Variants in MUC4 observed in about 807,000 individuals in gnomAD.
MUC4 encodes mucin-4.
A neutral mutation model predicts 257.9 loss-of-function variants in MUC4; 202 were observed. The observed-to-expected ratio is 0.78, with a 90% confidence interval of 0.70 to 0.88. The LOEUF (loss-of-function observed/expected upper bound fraction) is 0.88, where lower values mean the gene tolerates loss of function less well. Among genes scored for constraint, MUC4 ranks in the 40% least tolerant of loss-of-function variants. MUC4 has a pLI of 0.00. For missense variants in MUC4, 5,976 were observed against 6,513.7 expected, an observed-to-expected ratio of 0.92 and a Z score of 2.84; for synonymous variants, 2,351 against 2,757.1, an observed-to-expected ratio of 0.85 and a Z score of 4.62.
rs1726234134 is a variant in MUC4 at position 195,779,563 on chromosome 3, G to GGGC, written c.12016_12017insGCC (p.Thr4006delinsSerPro). The GGGC allele has an allele frequency of 1.6e-6, 1 of 631,492 alleles. No homozygotes were observed. The highest frequency in any genetic ancestry group is 2.4e-5 in the African/African-American group (1 of 41,256). The allele number at this position is 631,492 out of a possible 1,614,324, so 39.1% of individuals were successfully genotyped here. ...GGCGTGACCTGTAGATACTGAGGAAGTGCTGGTGACAGGAAGAGGGGTGGC... is the reference window on the plus strand; with the variant it reads ...GGCGTGACCTGTAGATACTGAGGAAGGGCTGCTGGTGACAGGAAGAGGGGTGGC... On this transcript the variant is annotated protein_altering_variant, in exon 2 of 25. Transcript: ENST00000463781.
chr3:195,767,528 T>TCAC (rs1472909855), intron 7 of MUC4, among the ~76,000 whole-genome samples: 2 of 28,072 alleles, frequency 7.1e-5, no homozygotes, highest in Non-Finnish European at 1.6e-4. Flanking sequence ...ACCACCACCA[T>TCAC]CGCCACCACC....
chr3:195,781,788 A>T lies in MUC4; in HGVS notation c.9792T>A (p.Ser3264=). ...TSSASTGDTT[S]LPVTDTSSAY... ...CTGAGGAAGTGTCGGTGACAGGAAG[A>T]GAGGTGGTGTCACCTGTGGATGCTG... The change falls in exon 2 of 25, where the codon TCT becomes TCA. Residue 3264 remains serine (S), a synonymous_variant. Coordinates refer to ENST00000463781, the MANE Select transcript of MUC4 (RefSeq NM_018406.7). 1 of 1,122,860 alleles carries T rather than the reference A, an allele frequency of 8.9e-7. No individual in the cohort carries two copies. The highest frequency in any genetic ancestry group is 1.1e-6 in the Non-Finnish European group (1 of 884,132). 69.6% of individuals were successfully genotyped at this position (1,122,860 alleles called of 1,614,324 possible).
chr3:195,759,113 A>G lies in MUC4; in HGVS notation c.14986+11T>C, dbSNP rs1718261197. 6.2e-7 allele frequency: 1 copy of G among 1,613,558 alleles called. No homozygotes were observed. The highest frequency in any genetic ancestry group is 1.1e-5 in the South Asian group (1 of 90,996). ...CCTCCCCACTCTCCCCAGCCAGCCA[A>G]ATAGTCCTACCAAAGAGCTCCAAGT... On this transcript the variant is annotated intron_variant, in intron 17 of 24. Transcript: ENST00000463781.
chr3:195,798,794 G>C (rs1209326380), intron 1 of MUC4, among the ~76,000 whole-genome samples: 1 of 152,184 alleles, frequency 6.6e-6, no homozygotes, highest in Non-Finnish European at 1.5e-5. Context: ...AGCCATACCT[G>C]ATATGAGCAT....
rs114502936 is a variant in MUC4 at position 195,768,376 on chromosome 3, C to T, written c.13529+646G>A. Among the ~76,000 whole-genome samples, 1,222 of 152,320 alleles carry T rather than the reference C, an allele frequency of 8.0e-3. 12 individuals are homozygous for T. The highest frequency in any genetic ancestry group is 0.028 in the African/African-American group (1,171 of 41,564). On this transcript the variant is annotated intron_variant, in intron 7 of 24. Transcript: ENST00000463781. ...TGGCGCACTGCTACATCGGAGACAG[C>T]CTCCCACACACGGGAATCCACATTT...
At position 195,760,872 on chromosome 3, in the gene MUC4, C is replaced by T. The variant is rs181550000; in HGVS notation, c.14848+12G>A. The T allele has an allele frequency of 9.6e-5, 155 of 1,612,812 alleles. 1 individual carries two copies. The highest frequency in any genetic ancestry group is 6.8e-4 in the Admixed American group (41 of 60,030). On this transcript the variant is annotated intron_variant, in intron 16 of 24. Transcript: ENST00000463781. ...ACTCTGAAAAGGCCTCCCCAGGCCTCGGGCCACTTACTGAGGGTGGCGTTC... is the reference window on the plus strand; with the variant it reads ...ACTCTGAAAAGGCCTCCCCAGGCCTTGGGCCACTTACTGAGGGTGGCGTTC...
chr3:195,773,458 C>T (rs1432069507), intron 4 of MUC4, among the ~76,000 whole-genome samples: 2 of 151,658 alleles, frequency 1.3e-5, no homozygotes, highest in Non-Finnish European at 2.9e-5. Context: ...GACACCCTCT[C>T]TCCATCGCTC....
intron 21 of MUC4, 72 bp from the exon 22 acceptor site, chr3:195,751,343 TG>T: frequency 8.7e-7 from 1 of 1,145,882 alleles, no homozygotes; most frequent in Non-Finnish European, 1.3e-6. Context: ...CCCACCTTGA[TG>T]GGTGTATTCA....
chr3:195,795,847 G>C (rs201374533), intron 1 of MUC4, among the ~76,000 whole-genome samples: 1 of 4,434 alleles, frequency 2.3e-4, no homozygotes, highest in African/African-American at 1.4e-3. Flanking sequence ...AAGTGGGGGA[G>C]GGGGGTGGGA....
chr3:195,781,153 G>T lies in MUC4; in HGVS notation c.10427C>A (p.Thr3476Asn), dbSNP rs1727621693. 2 of 1,477,448 alleles carry T rather than the reference G, an allele frequency of 1.4e-6. No homozygotes were observed. Among genetic ancestry groups the T allele is most frequent in the African/African-American group, 1.6e-5 (1 of 64,480 alleles). The allele number at this position is 1,477,448 out of a possible 1,614,324, so 91.5% of individuals were successfully genotyped here. Residue 3476 changes from threonine (T) to asparagine (N), a missense_variant, in exon 2 of 25, where the codon ACC (threonine) becomes AAC (asparagine). Thr to Asn is a moderately conservative substitution (Grantham distance 65). Transcript: ENST00000463781. ...STGDTTPLPV[T>N]SPSSASTGHT... is the part of the protein sequence containing the mutation. ...ACCTGTAGATGCTGAGGAAGGGCTG[G>T]TGACAGGAAGAGGGGTGGTGTCACC...
chr3:195,778,707 A>G (rs1225664677), intron 2 of MUC4, 83 bp downstream of exon 2: 5 of 1,433,364 alleles, frequency 3.5e-6, no homozygotes, highest in Admixed American at 2.1e-5. Flanking sequence ...ATGCGAATGC[A>G]CCAGTGTTCT....
In MUC4 at chr3:195,783,837, G is replaced by C. The variant is rs1729676102; in HGVS notation, c.7743C>G (p.Ser2581Arg). 1.3e-6 allele frequency: 2 copies of C among 1,491,734 alleles called. No homozygotes were observed. The highest frequency in any genetic ancestry group is 2.0e-5 in the Admixed American group (1 of 48,908). The allele number at this position is 1,491,734 out of a possible 1,614,324, so 92.4% of individuals were successfully genotyped here. A position where few individuals can be genotyped will look rare whatever the true frequency, so the allele number is the denominator to read the frequency against. Reference sequence around the variant, plus strand: ...TGTCACCTGTGGATGCTGAGGAAGTGCTGGTGACAGGAAGAGGGGTGGCGT... The same window carrying C: ...TGTCACCTGTGGATGCTGAGGAAGTCCTGGTGACAGGAAGAGGGGTGGCGT... ...TGHATPLPVT[S>R]TSSASTGDTT... Residue 2581 changes from serine (S) to arginine (R), a missense_variant, in exon 2 of 25, where the codon AGC becomes AGG. Physicochemically the swap from Ser to Arg is moderately radical, Grantham distance 110. Coordinates refer to ENST00000463781, the MANE Select transcript of MUC4 (RefSeq NM_018406.7).
intron 16 of MUC4, among the ~76,000 whole-genome samples, chr3:195,760,226 A>G (rs1718487904): frequency 6.6e-6 from 1 of 152,236 alleles, no homozygotes; most frequent in African/African-American, 2.4e-5. Context: ...AAAGCAGGGA[A>G]GGCAAACATG....
Position 195,747,080 on chromosome 3 carries a change from C to T in MUC4, c.*96G>A. 2.7e-6 allele frequency: 4 copies of T among 1,495,788 alleles called. No homozygotes were observed. Among genetic ancestry groups the T allele is most frequent in the African/African-American group, 1.4e-5 (1 of 72,374 alleles). The allele number at this position is 1,495,788 out of a possible 1,614,324, so 92.7% of individuals were successfully genotyped here. Reference sequence around the variant, plus strand: ...TTGAAGAATCCTGACAGCCTTCAGTCACCTTCCCTTTTCCAGTCTCCCAAA... The same window carrying T: ...TTGAAGAATCCTGACAGCCTTCAGTTACCTTCCCTTTTCCAGTCTCCCAAA... On this transcript the variant is annotated 3_prime_UTR_variant, in exon 25 of 25. Transcript: ENST00000463781.
At chr3:195,799,260 T>TGTGTGTGAGAGAGA (rs1553889795) in intron 1 of MUC4, among the ~76,000 whole-genome samples, 2 of 149,116 alleles carry the variant, frequency 1.3e-5, no homozygotes, top group Non-Finnish European at 3.0e-5. Flanking sequence ...TGTGTGTGTG[T>TGTGTGTGAGAGAGA]GACACTGTGT....
rs201940326 is a variant in MUC4, at chr3:195,780,149, C to A, written c.11431G>T (p.Val3811Phe). The part of the protein sequence containing the change: ...ASTGQATPLP[V>F]TSLSSVSTGD... ...GTGGATACTGAGGAAAGGCTGGTGA[C>A]AGGAAGAGGGGTGGCCTGACCTGTG... Residue 3811 changes from valine (V) to phenylalanine (F), a missense_variant, in exon 2 of 25, where the codon GTC (valine) becomes TTC (phenylalanine). Val to Phe is a conservative substitution (Grantham distance 50). Around this residue, in one of 44 missense-constraint regions of MUC4, gnomAD observed 330 missense variants for 262.0 expected, o/e 1.26. Coordinates refer to ENST00000463781, the MANE Select transcript of MUC4 (RefSeq NM_018406.7). The A allele has an allele frequency of 1.4e-6, 2 of 1,402,092 alleles. No individual in the cohort carries two copies. The highest frequency in any genetic ancestry group is 1.9e-6 in the Non-Finnish European group (2 of 1,046,578). 86.9% of individuals were successfully genotyped at this position (1,402,092 alleles called of 1,614,324 possible). A position where few individuals can be genotyped will look rare whatever the true frequency, so the allele number is the denominator to read the frequency against.
intron 17 of MUC4, among the ~76,000 whole-genome samples, chr3:195,758,726 CT>C (rs55919005): frequency 0.051 from 6,954 of 135,052 alleles, 332 homozygotes; most frequent in African/African-American, 0.14. Context: ...CCATGCCTGG[CT>C]TTTTTTTTTT....
intron 11 of MUC4, 131 bp from the exon 12 acceptor site, chr3:195,763,772 C>T (rs913576127): frequency 1.9e-6 from 2 of 1,064,126 alleles, no homozygotes; most frequent in Non-Finnish European, 2.6e-6. Flanking sequence ...TCGACTGGGG[C>T]ACTTGTCCGG....
At chr3:195,749,888 G>C (rs1184427640) in intron 23 of MUC4, 1 of 152,278 alleles carries the variant, frequency 6.6e-6, no homozygotes, top group African/African-American at 2.4e-5. Context: ...TTAAGTTTGT[G>C]TTTCCTAAAG....
Sources: gnomAD v4.1 joint callset for allele counts (sites outside exome capture counted in the v4.1 genomes callset) on GRCh38, gnomAD v4.1.1 for gene constraint, gnomAD v4.1.1 regional missense constraint, MANE v1.5 for transcripts, NCBI Gene and HGNC (gene_info 2026-07-23, HGNC 2026-07-21) for gene names.